CACNA1D: variants seen among roughly 807,000 people sequenced by gnomAD.
The protein encoded by CACNA1D is calcium voltage-gated channel subunit alpha1 D, also known as voltage-dependent L-type calcium channel subunit alpha-1D.
CACNA1D carries 55 observed loss-of-function variants against 257.1 expected under a neutral mutation model. The observed-to-expected ratio is 0.21, with a 90% CI of 0.17 to 0.27. CACNA1D has a LOEUF of 0.27. Ranked by LOEUF, CACNA1D falls within the 10% of genes least tolerant of loss-of-function variation. CACNA1D has a pLI of 1.00. For synonymous variants in CACNA1D, 980 were observed against 1,014.9 expected (o/e 0.97, Z 0.65); for missense variants, 1,876 against 2,784.0 (o/e 0.67, Z 7.34).
intron 20 of CACNA1D, among the ~76,000 whole-genome samples, chr3:53,737,326 T>G (rs1216443935): frequency 3.3e-5 from 5 of 152,214 alleles, no homozygotes; most frequent in African/African-American, 9.6e-5. Flanking sequence ...GTGCAGATTT[T>G]TTTCTTGTCA....
chr3:53,695,091 C>T (rs1266139957), intron 8 of CACNA1D, among the ~76,000 whole-genome samples: 4 of 152,168 alleles, frequency 2.6e-5, no homozygotes, highest in Admixed American at 6.5e-5. Context: ...TACTTGGCTG[C>T]CAGGTCCAAG....
rs78430634 is a variant in CACNA1D at position 53,581,810 on chromosome 3, A to G, written c.484-68969A>G. 9.9e-3 allele frequency among the ~76,000 whole-genome samples: 1,502 copies of G among 152,240 alleles called. 26 individuals are homozygous for G. The highest frequency in any genetic ancestry group is 0.035 in the African/African-American group (1,434 of 41,550). On this transcript the variant is annotated intron_variant, in intron 3 of 47. Transcript: ENST00000350061. ...TACTAATAAGTTAAGAGGCACATGC[A>G]AGAAGGCCCATCTGGTTGGTGCTTC... is the stretch of plus-strand genomic sequence containing the variant.
chr3:53,712,276 T>C lies in CACNA1D; in HGVS notation c.1391-6025T>C, dbSNP rs74972444. ...CTTTATTTTGAGTGGGAATGGCTTT[T>C]TATTGACTGAAATACCTGGGGACTC... On this transcript the variant is annotated intron_variant, in intron 9 of 47. Coordinates refer to ENST00000350061, the MANE Select transcript of CACNA1D (RefSeq NM_001128840.3). 1.4e-3 allele frequency among the ~76,000 whole-genome samples: 208 copies of C among 152,332 alleles called. 2 individuals are homozygous for C. Among genetic ancestry groups the C allele is most frequent in the African/African-American group, 4.7e-3 (195 of 41,570 alleles).
intron 20 of CACNA1D, among the ~76,000 whole-genome samples, chr3:53,739,598 G>A (rs1262805944): frequency 6.6e-6 from 1 of 152,106 alleles, no homozygotes; most frequent in East Asian, 1.9e-4. Flanking sequence ...TCTGTTATTT[G>A]AGTGGGCCCA....
chr3:53,512,916 T>A (rs1187483476), intron 3 of CACNA1D, among the ~76,000 whole-genome samples: 1 of 152,246 alleles, frequency 6.6e-6, no homozygotes, highest in Non-Finnish European at 1.5e-5. Context: ...TAAAATACTT[T>A]ATTGCTTTCT....
At chr3:53,772,438 A>G (rs2095371421) in intron 32 of CACNA1D, among the ~76,000 whole-genome samples, 1 of 152,226 alleles carries the variant, frequency 6.6e-6, no homozygotes, top group Non-Finnish European at 1.5e-5. Flanking sequence ...ACATACCCAC[A>G]AAAGAAAGTG....
At chr3:53,781,974 A>G in intron 39 of CACNA1D, 1 of 334,170 alleles carries the variant, frequency 3.0e-6, no homozygotes, top group East Asian at 6.4e-5. Flanking sequence ...AAAAGCCTAT[A>G]TTTTTTGTCC....
In CACNA1D at chr3:53,502,419, A is replaced by G. The variant is rs575786207; in HGVS notation, c.483+699A>G. Among the ~76,000 whole-genome samples the G allele has an allele frequency of 1.5e-4, 23 of 151,748 alleles. No individual in the cohort carries two copies. In the South Asian group the frequency reaches 4.8e-3, roughly 32 times the overall value. On this transcript the variant is annotated intron_variant, in intron 3 of 47. Transcript: ENST00000350061. The stretch of plus-strand genomic sequence containing the variant: ...GCAGTTAAAAAACAGGTTTCCTTTT[A>G]TTTAACTCAGCTAGTCCCTAAAAGT...
Position 53,627,686 on chromosome 3 carries a change from G to C in CACNA1D, c.484-23093G>C, listed in dbSNP as rs1371068338. 5.9e-5 allele frequency among the ~76,000 whole-genome samples: 9 copies of C among 152,070 alleles called. No homozygotes were observed. The South Asian group carries it at 1.9e-3, about 32-fold the overall frequency. ...GGCTTAGTGAGCCCTGGGCTGGGGA[G>C]ATGTCTAGTTCCATCTGTTGGTTTC... On this transcript the variant is annotated intron_variant, in intron 3 of 47. Transcript: ENST00000350061.
intron 8 of CACNA1D, among the ~76,000 whole-genome samples, chr3:53,689,558 G>A (rs1403491910): frequency 2.0e-5 from 3 of 152,100 alleles, no homozygotes; most frequent in Non-Finnish European, 2.9e-5. Context: ...GTGGGAGTTT[G>A]TTGTGGCTCG....
At chr3:53,571,596 T>G (rs2092945097) in intron 3 of CACNA1D, among the ~76,000 whole-genome samples, 1 of 152,080 alleles carries the variant, frequency 6.6e-6, no homozygotes, top group Admixed American at 6.6e-5. Context: ...GAGGCTGGGA[T>G]AGAGGTGGGG....
At chr3:53,695,876 T>C (rs1391092541) in intron 8 of CACNA1D, among the ~76,000 whole-genome samples, 1 of 152,224 alleles carries the variant, frequency 6.6e-6, no homozygotes, top group African/African-American at 2.4e-5. Context: ...TGTTCCTCCT[T>C]GCCTACAGAG....
intron 40 of CACNA1D, among the ~76,000 whole-genome samples, chr3:53,792,914 T>A (rs1250499242): frequency 6.6e-6 from 1 of 152,194 alleles, no homozygotes; most frequent in Non-Finnish European, 1.5e-5. Context: ...GCAGACTAGT[T>A]AACATCCAGG....
intron 40 of CACNA1D, among the ~76,000 whole-genome samples, chr3:53,794,261 G>A (rs748147859): frequency 1.1e-4 from 17 of 152,186 alleles, no homozygotes; most frequent in Non-Finnish European, 2.9e-5. Context: ...CAGCCCAATT[G>A]TGTCATGATT....
chr3:53,776,157 G>GAGCA, intron 35 of CACNA1D, 112 bp downstream of exon 35: 1 of 984,728 alleles, frequency 1.0e-6, no homozygotes, highest in Non-Finnish European at 1.6e-6. Context: ...TGATGTGGAT[G>GAGCA]AGCACTCTGG....
intron 30 of CACNA1D, among the ~76,000 whole-genome samples, chr3:53,769,674 G>C (rs2108998456): frequency 6.6e-6 from 1 of 152,340 alleles, no homozygotes; most frequent in Non-Finnish European, 1.5e-5. Context: ...GCGAGAAGCG[G>C]GGGCACACTC....
intron 11 of CACNA1D, 93 bp downstream of exon 11, chr3:53,719,874 G>A: frequency 2.6e-6 from 3 of 1,134,102 alleles, no homozygotes; most frequent in Non-Finnish European, 2.7e-6. Flanking sequence ...CTGGACTTGA[G>A]TTTTCCTCTG....
intron 28 of CACNA1D, among the ~76,000 whole-genome samples, chr3:53,752,852 T>G (rs2095237989): frequency 6.6e-6 from 1 of 152,248 alleles, no homozygotes. Flanking sequence ...TTACAGCTAC[T>G]TCTTATTCCA....
intron 3 of CACNA1D, among the ~76,000 whole-genome samples, chr3:53,546,125 G>A (rs932463358): frequency 1.3e-5 from 2 of 152,166 alleles, no homozygotes; most frequent in Non-Finnish European, 2.9e-5. Flanking sequence ...TCCAGTCCCC[G>A]AGGCCCTTCT....
Sources: allele counts gnomAD v4.1 joint callset (sites outside exome capture counted in the v4.1 genomes callset), GRCh38; gene constraint gnomAD v4.1.1; transcripts MANE v1.5; gene names NCBI Gene and HGNC (gene_info 2026-07-23, HGNC 2026-07-21).